Variants in ACP6 observed in about 807,000 individuals in gnomAD.
The protein encoded by ACP6 is acid phosphatase 6, lysophosphatidic.
Under a neutral mutation model 48.1 loss-of-function variants are expected in ACP6, and 48 were observed. That is an observed-to-expected ratio of 1.00 (90% confidence interval 0.79 to 1.27). The LOEUF (loss-of-function observed/expected upper bound fraction) is 1.27. ACP6 is among the 50% of genes most tolerant of loss of function. The pLI, the probability that ACP6 is intolerant of heterozygous loss-of-function variation, is 0.00. For synonymous variants in ACP6, 172 were observed against 204.2 expected (o/e 0.84, Z 1.34); for missense variants, 485 against 529.1 (o/e 0.92, Z 0.82).
At chr1:147,635,029 C>G (rs986503779) in intron 5 of ACP6, among the ~76,000 whole-genome samples, 2 of 152,200 alleles carry the variant, frequency 1.3e-5, no homozygotes, top group Non-Finnish European at 2.9e-5. Context: ...GCTCCACAGA[C>G]TTTTCCTTTG....
chr1:147,667,125 C>A (rs1660835853), intron 1 of ACP6, among the ~76,000 whole-genome samples: 1 of 152,082 alleles, frequency 6.6e-6, no homozygotes. Flanking sequence ...CAATCAAGTT[C>A]TATATTTTTA....
exon 6 of ACP6, chr1:147,630,468 C>A (rs777672259): frequency 2.6e-5 from 4 of 152,180 alleles, no homozygotes; most frequent in Non-Finnish European, 5.9e-5. Flanking sequence ...ACCCCAGGAG[C>A]TCATGTTTGT....
intron 8 of ACP6, chr1:147,649,812 C>T (rs1659823802): frequency 2.9e-6 from 1 of 340,116 alleles, no homozygotes; most frequent in East Asian, 8.3e-5. Context: ...GTTCAAACTA[C>T]ACAATCCATT....
At chr1:147,664,565 G>C (rs1660707172) in intron 1 of ACP6, among the ~76,000 whole-genome samples, 1 of 152,078 alleles carries the variant, frequency 6.6e-6, no homozygotes, top group South Asian at 2.1e-4. Context: ...TCCTTTACTG[G>C]TCTGTCCTGG....
intron 5 of ACP6, among the ~76,000 whole-genome samples, chr1:147,634,353 A>G (rs1028402665): frequency 6.6e-6 from 1 of 152,060 alleles, no homozygotes; most frequent in South Asian, 2.1e-4. Flanking sequence ...TTAATTCCTC[A>G]TCAGATAAAT....
At chr1:147,663,694 A>G (rs1397519302) in intron 1 of ACP6, among the ~76,000 whole-genome samples, 1 of 152,046 alleles carries the variant, frequency 6.6e-6, no homozygotes, top group Non-Finnish European at 1.5e-5. Flanking sequence ...CAGCCCCTGT[A>G]CTCAGCTTCA....
chr1:147,629,684 T>C (rs1486671926), exon 6 of ACP6: 1 of 152,202 alleles, frequency 6.6e-6, no homozygotes, highest in Non-Finnish European at 1.5e-5. Context: ...TAATAACACA[T>C]TTAAAGCAAT....
At chr1:147,664,873 G>A (rs1420877826) in intron 1 of ACP6, among the ~76,000 whole-genome samples, 1 of 152,176 alleles carries the variant, frequency 6.6e-6, no homozygotes, top group East Asian at 1.9e-4. Context: ...GGGGATTCAG[G>A]AGAAGTTTCA....
chr1:147,667,485 G>A (rs1479744413), intron 1 of ACP6, among the ~76,000 whole-genome samples: 1 of 152,050 alleles, frequency 6.6e-6, no homozygotes, highest in Non-Finnish European at 1.5e-5. Flanking sequence ...CAAAGTGCTG[G>A]GATTACAGGC....
At chr1:147,647,656 C>A (rs917108138) in intron 9 of ACP6, 90 bp from the exon 10 acceptor site, 2 of 1,501,806 alleles carry the variant, frequency 1.3e-6, no homozygotes, top group Non-Finnish European at 8.9e-7. Flanking sequence ...AGGCTCTGAT[C>A]CATGTGGTAT....
At chr1:147,640,975 T>C (rs1262708937), downstream of ACP6, among the ~76,000 whole-genome samples, 1 of 151,830 alleles carries the variant, frequency 6.6e-6, no homozygotes, top group Non-Finnish European at 1.5e-5. Flanking sequence ...CCCCGGGGAA[T>C]TCCCCACCCA....
chr1:147,669,304 C>T (rs1224394379), intron 1 of ACP6, among the ~76,000 whole-genome samples: 2 of 152,042 alleles, frequency 1.3e-5, no homozygotes, highest in African/African-American at 4.8e-5. Flanking sequence ...CAAATGGCCT[C>T]CAGCAAACCC....
intron 1 of ACP6, among the ~76,000 whole-genome samples, chr1:147,664,922 A>C (rs1570981464): frequency 2.0e-5 from 3 of 152,356 alleles, no homozygotes; most frequent in Middle Eastern, 6.8e-3. Context: ...TATTTAGACA[A>C]GCAAATACCT....
chr1:147,656,580 A>G (rs1269843564), intron 4 of ACP6, among the ~76,000 whole-genome samples: 1 of 152,216 alleles, frequency 6.6e-6, no homozygotes, highest in Non-Finnish European at 1.5e-5. Flanking sequence ...ATTCTGAACC[A>G]AGACTGCCAG....
chr1:147,666,993 A>G (rs1553213739), intron 1 of ACP6, among the ~76,000 whole-genome samples: 2 of 152,118 alleles, frequency 1.3e-5, no homozygotes, highest in Non-Finnish European at 2.9e-5. Flanking sequence ...AAACTGAGGA[A>G]TCTCCCTGGG....
intron 1 of ACP6, among the ~76,000 whole-genome samples, chr1:147,667,378 G>C (rs587764670): frequency 6.6e-6 from 1 of 151,182 alleles, no homozygotes; most frequent in African/African-American, 2.4e-5. Flanking sequence ...CCACCACACC[G>C]GGCTAATTTT....
In ACP6 at chr1:147,644,499, G is replaced by A. The variant is rs1187790923; in HGVS notation, c.*2924C>T. The A allele has an allele frequency of 6.6e-6, 1 of 152,182 alleles. No individual in the cohort carries two copies. The highest frequency in any genetic ancestry group is 1.9e-4 in the East Asian group (1 of 5,194). 9.4% of individuals were successfully genotyped at this position (152,182 alleles called of 1,614,324 possible). On this transcript the variant is annotated 3_prime_UTR_variant, in exon 10 of 10. Coordinates refer to ENST00000583509, the MANE Select transcript of ACP6 (RefSeq NM_016361.5). Reference sequence around the variant, plus strand: ...TTTGTTTTAAAAGCAACACTGTGTTGAGAATAGATGGGCAGAGAAGGGAAG... The same window carrying A: ...TTTGTTTTAAAAGCAACACTGTGTTAAGAATAGATGGGCAGAGAAGGGAAG...
In ACP6 at chr1:147,659,747, A is replaced by G; in HGVS notation, c.248T>C (p.Val83Ala). 6.2e-7 allele frequency: 1 copy of G among 1,614,042 alleles called. No individual in the cohort carries two copies. Among genetic ancestry groups the G allele is most frequent in the Middle Eastern group, 1.7e-4 (1 of 6,040 alleles). The part of the protein sequence containing the change: ...QVEWNPQLLE[V>A]PPQTQFDYTV... ...GTAATCAAACTGAGTTTGGGGTGGG[A>G]CCTCTAATAGCTGGGGGTTCCACTC... The change falls in exon 2 of 10, where the codon GTC becomes GCC. Residue 83 changes from valine (V) to alanine (A), a missense_variant. Val to Ala is a moderately conservative substitution (Grantham distance 64, BLOSUM62 0). Coordinates refer to ENST00000583509, the MANE Select transcript of ACP6 (RefSeq NM_016361.5).
Position 147,636,890 on chromosome 1 carries a change from C to T in ACP6, c.461-5825G>A, listed in dbSNP as rs1282008079. 2.6e-5 allele frequency among the ~76,000 whole-genome samples: 4 copies of T among 152,128 alleles called. 1 individual carries two copies. Among genetic ancestry groups the T allele is most frequent in the African/African-American group, 9.7e-5 (4 of 41,408 alleles). On this transcript the variant is annotated intron_variant, in intron 5 of 5. Transcript: ENST00000609196. ...ACCCCTCTTGCTGCCCTCCTGGGCA[C>T]TGAAAGGTAGCACAGAAAAGCCATA...
Sources: gnomAD v4.1 joint callset for allele counts (sites outside exome capture counted in the v4.1 genomes callset) on GRCh38, gnomAD v4.1.1 for gene constraint, MANE v1.5 for transcripts, NCBI Gene and HGNC (gene_info 2026-07-23, HGNC 2026-07-21) for gene names.